The following FNBP1 variants were observed in gnomAD, a reference collection of about 807,000 sequenced individuals.
FNBP1 encodes the protein formin binding protein 1.
FNBP1 carries 26 observed loss-of-function variants against 90.6 expected under a neutral mutation model. The observed-to-expected ratio is 0.29, with a 90% CI of 0.21 to 0.40. FNBP1 has a LOEUF of 0.40. Among genes scored for constraint, FNBP1 ranks in the 10% least tolerant of loss-of-function variants. The pLI, the probability that FNBP1 is intolerant of heterozygous loss-of-function variation, is 1.00. For missense variants in FNBP1, 635 were observed against 768.0 expected, an observed-to-expected ratio of 0.83 and a Z score of 2.05; for synonymous variants, 260 against 265.2, an observed-to-expected ratio of 0.98 and a Z score of 0.19.
intron 4 of FNBP1, among the ~76,000 whole-genome samples, chr9:129,960,302 T>C (rs988803769): frequency 6.2e-5 from 9 of 144,184 alleles, no homozygotes; most frequent in Non-Finnish European, 1.0e-4. Context: ...GCTTAAAACC[T>C]AGGGGGCTGG....
intron 15 of FNBP1, among the ~76,000 whole-genome samples, chr9:129,897,064 G>A (rs1416123135): frequency 1.3e-5 from 2 of 152,144 alleles, no homozygotes; most frequent in East Asian, 3.8e-4. Flanking sequence ...AAACAACATA[G>A]ATGAACCTGG....
chr9:130,018,489 C>T (rs1253446018), intron 1 of FNBP1, among the ~76,000 whole-genome samples: 1 of 152,158 alleles, frequency 6.6e-6, no homozygotes, highest in East Asian at 1.9e-4. Context: ...AAACCTCCCT[C>T]TTCCTTGCAA....
intron 4 of FNBP1, among the ~76,000 whole-genome samples, chr9:129,973,931 C>T (rs1471542767): frequency 2.0e-5 from 3 of 151,990 alleles, no homozygotes; most frequent in Non-Finnish European, 4.4e-5. Flanking sequence ...GTACCTCAGC[C>T]TCCTGAGTAG....
Position 129,976,509 on chromosome 9 carries a change from C to A in FNBP1, c.345+1956G>T, listed in dbSNP as rs1026366714. 2.0e-5 allele frequency among the ~76,000 whole-genome samples: 3 copies of A among 152,154 alleles called. No homozygotes were observed. The East Asian group carries it at 5.8e-4, about 29-fold the overall frequency. On this transcript the variant is annotated intron_variant, in intron 4 of 16. Transcript: ENST00000446176. ...ATCTCTTCCTAACTTTTAAACCTATCCAAGGCCATATGCTACACATTTATA... is the reference window on the plus strand; with the variant it reads ...ATCTCTTCCTAACTTTTAAACCTATACAAGGCCATATGCTACACATTTATA...
rs530819043 is a variant in FNBP1, at chr9:129,920,745, T to C, written c.1170+3099A>G. Among the ~76,000 whole-genome samples the C allele has an allele frequency of 3.2e-3, 490 of 152,306 alleles. 2 individuals carry two copies. The highest frequency in any genetic ancestry group is 5.3e-3 in the Non-Finnish European group (358 of 68,018). The stretch of plus-strand genomic sequence containing the variant: ...GTGTAATGTTAAGAGAAAACTGGAA[T>C]AGACACATAAACAAATGGTAAACAA... On this transcript the variant is annotated intron_variant, in intron 10 of 16. Transcript: ENST00000446176.
chr9:130,032,730 T>A (rs1589387367), intron 1 of FNBP1, among the ~76,000 whole-genome samples: 1 of 151,946 alleles, frequency 6.6e-6, no homozygotes, highest in East Asian at 1.9e-4. Context: ...ATAATGTGAC[T>A]TCAGTGGAAC....
At chr9:130,024,319 T>C (rs1257200299) in intron 1 of FNBP1, among the ~76,000 whole-genome samples, 2 of 151,892 alleles carry the variant, frequency 1.3e-5, no homozygotes, top group Non-Finnish European at 2.9e-5. Context: ...GGCGTGGTAG[T>C]GTGCACCTGA....
chr9:130,000,135 T>C (rs373067437), intron 1 of FNBP1, among the ~76,000 whole-genome samples: 1 of 152,214 alleles, frequency 6.6e-6, no homozygotes, highest in Non-Finnish European at 1.5e-5. Flanking sequence ...TGGTCCACCT[T>C]ACATTTTGAA....
At chr9:130,003,168 C>T (rs1365453750) in intron 1 of FNBP1, among the ~76,000 whole-genome samples, 4 of 151,790 alleles carry the variant, frequency 2.6e-5, no homozygotes, top group African/African-American at 9.7e-5. Flanking sequence ...AATAAAAACC[C>T]AAAAATTGGC....
rs888430533 is a variant in FNBP1 at position 129,888,625 on chromosome 9, C to A, written c.*1914G>T. On this transcript the variant is annotated 3_prime_UTR_variant, in exon 17 of 17. Transcript: ENST00000446176. ...TTTGCAGTCCCCCCCGGGGAAGAAG[C>A]AGTCAGAGAGGCTCACGCTCACCTA... The A allele has an allele frequency of 3.0e-5, 7 of 232,834 alleles. No individual in the cohort carries two copies. Among genetic ancestry groups the A allele is most frequent in the Non-Finnish European group, 5.9e-5 (7 of 117,834 alleles). The allele number at this position is 232,834 out of a possible 1,614,324, so 14.4% of individuals were successfully genotyped here. A position where few individuals can be genotyped will look rare whatever the true frequency, so the allele number is the denominator to read the frequency against.
intron 1 of FNBP1, among the ~76,000 whole-genome samples, chr9:130,019,144 T>C (rs1388448786): frequency 1.3e-5 from 2 of 151,934 alleles, no homozygotes; most frequent in Non-Finnish European, 2.9e-5. Context: ...GGAGGATCGC[T>C]TGAGTCTGGG....
At chr9:129,916,376 G>A (rs112377637) in intron 10 of FNBP1, 372 of 166,840 alleles carry the variant, frequency 2.2e-3, no homozygotes, top group African/African-American at 8.4e-3. Flanking sequence ...CCAGCACTTT[G>A]GGAGGCCAAG....
At chr9:129,984,642 G>A (rs553499069) in intron 2 of FNBP1, among the ~76,000 whole-genome samples, 12 of 152,188 alleles carry the variant, frequency 7.9e-5, no homozygotes, top group Admixed American at 7.2e-4. Flanking sequence ...ATGTGGGTTC[G>A]CTGTGTCCCC....
At chr9:129,916,167 G>A (rs957615280) in intron 10 of FNBP1, 187 bp from the exon 11 acceptor site, 9 of 586,442 alleles carry the variant, frequency 1.5e-5, no homozygotes, top group South Asian at 1.3e-4. Context: ...TTCACAAGAA[G>A]GGCTGCTCCC....
intron 6 of FNBP1, among the ~76,000 whole-genome samples, chr9:129,950,522 G>T (rs369766877): frequency 6.6e-6 from 1 of 152,150 alleles, no homozygotes; most frequent in African/African-American, 2.4e-5. Context: ...AAACTGCCTT[G>T]GATCTGGCCT....
upstream of FNBP1, among the ~76,000 whole-genome samples, chr9:130,046,297 G>A (rs1589466208): frequency 6.6e-6 from 1 of 152,134 alleles, no homozygotes; most frequent in Admixed American, 6.6e-5. Flanking sequence ...CCAACCTCCG[G>A]GGACTGGGGA....
At chr9:129,992,104 G>C (rs2053257134) in intron 2 of FNBP1, among the ~76,000 whole-genome samples, 2 of 152,150 alleles carry the variant, frequency 1.3e-5, no homozygotes, top group South Asian at 4.1e-4. Context: ...CACCAGGAGA[G>C]TACAGACTGG....
chr9:130,023,267 A>C (rs1313263117), intron 1 of FNBP1, among the ~76,000 whole-genome samples: 1 of 152,218 alleles, frequency 6.6e-6, no homozygotes, highest in Non-Finnish European at 1.5e-5. Flanking sequence ...ATTCAAAAAT[A>C]CATAAACAAG....
rs538757657 is a variant in FNBP1, at chr9:130,027,865, G to GT, written c.24+15086dup. On this transcript the variant is annotated intron_variant, in intron 1 of 16. Transcript: ENST00000446176. ...ACAATATGGTGACTGGGTTTTAAAA[G>GT]TAAGTATCCTAAAAGCGCAAGAAAA... Among the ~76,000 whole-genome samples, 178 of 152,094 alleles carry GT rather than the reference G, an allele frequency of 1.2e-3. 4 individuals are homozygous for GT. In the South Asian group the frequency reaches 0.035, roughly 30 times the overall value.
Sources: allele counts gnomAD v4.1 joint callset (sites outside exome capture counted in the v4.1 genomes callset), GRCh38; gene constraint gnomAD v4.1.1; transcripts MANE v1.5; gene names NCBI Gene and HGNC (gene_info 2026-07-23, HGNC 2026-07-21).